The following TSPAN13 variants were observed in gnomAD, a reference collection of about 807,000 sequenced individuals.
The protein encoded by TSPAN13 is tetraspanin 13.
TSPAN13 carries 18 observed loss-of-function variants against 26.9 expected under a neutral mutation model. The observed-to-expected ratio is 0.67, with a 90% CI of 0.46 to 0.99. TSPAN13 has a LOEUF of 0.99. Ranked by LOEUF, TSPAN13 falls within the 50% of genes least tolerant of loss-of-function variation. The pLI is 0.00. For synonymous variants in TSPAN13, 116 were observed against 98.4 expected, an observed-to-expected ratio of 1.18 and a Z score of -1.06; for missense variants, 201 against 249.6, an observed-to-expected ratio of 0.81 and a Z score of 1.31.
intron 1 of TSPAN13, among the ~76,000 whole-genome samples, chr7:16,768,036 C>T (rs113693302): frequency 0.11 from 16,726 of 152,160 alleles, 969 homozygotes; most frequent in East Asian, 0.18. Flanking sequence ...CCTCAGCCTC[C>T]CGAGTAGCTG....
In TSPAN13 at chr7:16,753,827, G is replaced by C. The variant is rs1413353411; in HGVS notation, c.-141G>C. 5 of 885,396 alleles carry C rather than the reference G, an allele frequency of 5.6e-6. No individual in the cohort carries two copies. In the African/African-American group the frequency reaches 6.9e-5, roughly 12 times the overall value. 54.8% of individuals were successfully genotyped at this position (885,396 alleles called of 1,614,324 possible). A position where few individuals can be genotyped will look rare whatever the true frequency, so the allele number is the denominator to read the frequency against. ...CGCCGCGCGCGCGCCGCGCACTGCA[G>C]CCCCAGGCCCCGGCCCCCCACCCAC... On this transcript the variant is annotated 5_prime_UTR_variant, in exon 1 of 6. Coordinates refer to ENST00000262067, the MANE Select transcript of TSPAN13 (RefSeq NM_014399.4).
At chr7:16,781,632 G>C (rs1214381705) in intron 5 of TSPAN13, among the ~76,000 whole-genome samples, 1 of 152,164 alleles carries the variant, frequency 6.6e-6, no homozygotes, top group Admixed American at 6.5e-5. Context: ...GGTAAAATGT[G>C]GCTCCGGATT....
rs762326502 is a variant in TSPAN13, at chr7:16,753,948, C to A, written c.-20C>A. ...CGGAGTCGAATTTACGTGCAGCTGC[C>A]GGCAACCACAGGTTCCAAGATGGTT... On this transcript the variant is annotated 5_prime_UTR_variant, in exon 1 of 6. Transcript: ENST00000262067. The A allele has an allele frequency of 6.2e-7, 1 of 1,610,466 alleles. No individual in the cohort carries two copies.
chr7:16,763,548 T>C (rs751686955), intron 1 of TSPAN13, among the ~76,000 whole-genome samples: 5 of 152,206 alleles, frequency 3.3e-5, no homozygotes, highest in Admixed American at 6.5e-5. Context: ...GGCTAGATCT[T>C]TCCCTGTCCA....
chr7:16,758,616 A>G (rs1483322353), intron 1 of TSPAN13, among the ~76,000 whole-genome samples: 3 of 152,228 alleles, frequency 2.0e-5, no homozygotes, highest in Admixed American at 1.3e-4. Context: ...TTAGTCTGCA[A>G]TGATCAAGGT....
At chr7:16,770,740 C>G (rs1784665004) in intron 1 of TSPAN13, among the ~76,000 whole-genome samples, 2 of 152,078 alleles carry the variant, frequency 1.3e-5, no homozygotes, top group South Asian at 4.1e-4. Context: ...CCCTCCTGAG[C>G]AAATTTTGGA....
intron 1 of TSPAN13, among the ~76,000 whole-genome samples, chr7:16,755,918 T>C (rs1784476988): frequency 6.6e-6 from 1 of 152,212 alleles, no homozygotes. Context: ...GTGTGTGTTC[T>C]ATTGATTTTA....
At chr7:16,773,048 A>T (rs1325200476) in intron 1 of TSPAN13, among the ~76,000 whole-genome samples, 2 of 152,000 alleles carry the variant, frequency 1.3e-5, no homozygotes, top group East Asian at 3.9e-4. Context: ...TTATTCTTTT[A>T]CTACTGAAGA....
intron 5 of TSPAN13, among the ~76,000 whole-genome samples, chr7:16,782,210 AC>A (rs1211897078): frequency 6.6e-6 from 1 of 152,196 alleles, no homozygotes; most frequent in Non-Finnish European, 1.5e-5. Flanking sequence ...ATGACTTTCC[AC>A]ATCTTCAAAT....
chr7:16,765,925 C>T (rs1430070835), intron 1 of TSPAN13, among the ~76,000 whole-genome samples: 1 of 152,204 alleles, frequency 6.6e-6, no homozygotes, highest in East Asian at 1.9e-4. Flanking sequence ...TTTGAATCAA[C>T]AATTTTTAGA....
intron 1 of TSPAN13, among the ~76,000 whole-genome samples, chr7:16,764,944 TG>T (rs1784589164): frequency 1.3e-5 from 2 of 151,762 alleles, no homozygotes; most frequent in East Asian, 1.9e-4. Context: ...GTTTTTTTTT[TG>T]AGACAAGGTC....
chr7:16,774,845 G>C (rs1337404999), intron 1 of TSPAN13, among the ~76,000 whole-genome samples: 2 of 151,790 alleles, frequency 1.3e-5, no homozygotes, highest in Non-Finnish European at 2.9e-5. Flanking sequence ...TGTCTCTTTG[G>C]CAAAAAAATA....
At chr7:16,760,903 C>A (rs1784534841) in intron 1 of TSPAN13, among the ~76,000 whole-genome samples, 1 of 152,188 alleles carries the variant, frequency 6.6e-6, no homozygotes, top group Admixed American at 6.5e-5. Flanking sequence ...ATGTCGCAGT[C>A]ATTCTGGCTT....
At position 16,760,557 on chromosome 7, in the gene TSPAN13, A is replaced by C. The variant is rs556537735; in HGVS notation, c.63+6527A>C. ...AGAAACCCAAGTGGAAATGTCAGGTAGCACTTACAGTAACCACACTGTTAT... is the reference window on the plus strand; with the variant it reads ...AGAAACCCAAGTGGAAATGTCAGGTCGCACTTACAGTAACCACACTGTTAT... On this transcript the variant is annotated intron_variant, in intron 1 of 5. Transcript: ENST00000262067. Among the ~76,000 whole-genome samples the C allele has an allele frequency of 2.6e-4, 40 of 152,322 alleles. No homozygotes were observed. In the Middle Eastern group the frequency reaches 0.01, roughly 39 times the overall value.
chr7:16,776,264 G>A lies in TSPAN13; in HGVS notation c.117G>A (p.Leu39=), dbSNP rs2115334669. The A allele has an allele frequency of 6.2e-7, 1 of 1,614,122 alleles. No individual in the cohort carries two copies. Among genetic ancestry groups the A allele is most frequent in the Non-Finnish European group, 8.5e-7 (1 of 1,180,028 alleles). ...CTGCGTGGGGCATTGGCTTCGGGCT[G>A]ATTTCCAGTCTCCGAGTGGTCGGCG... ...GIAAWGIGFG[L]ISSLRVVGVV... is the part of the protein sequence containing the mutation. Residue 39 remains leucine, a synonymous_variant, in exon 2 of 6, where the codon CTG becomes CTA. Coordinates refer to ENST00000262067, the MANE Select transcript of TSPAN13 (RefSeq NM_014399.4).
chr7:16,773,350 AAAGG>A (rs1419360128), intron 1 of TSPAN13, among the ~76,000 whole-genome samples: 131 of 152,000 alleles, frequency 8.6e-4, no homozygotes, highest in African/African-American at 2.8e-3. Context: ...AAAAAAAAAA[AAAGG>A]AGGAATGATA....
At chr7:16,754,322 A>G (rs1210701363) in intron 1 of TSPAN13, among the ~76,000 whole-genome samples, 9 of 152,082 alleles carry the variant, frequency 5.9e-5, no homozygotes, top group East Asian at 3.9e-4. Context: ...TTGTTTTTCA[A>G]ACATTCAACC....
At position 16,777,130 on chromosome 7, in the gene TSPAN13, A is replaced by G. The variant is rs1784760238; in HGVS notation, c.312+8A>G. Reference sequence around the variant, plus strand: ...CTGAACCAGGAGCAACAGGTAAGCTAAGACTTTTTTCTTCTACTTTATTAT... The same window carrying G: ...CTGAACCAGGAGCAACAGGTAAGCTGAGACTTTTTTCTTCTACTTTATTAT... On this transcript the variant is annotated splice_region_variant and intron_variant, in intron 3 of 5. Transcript: ENST00000262067. 1.9e-6 allele frequency: 3 copies of G among 1,607,528 alleles called. No individual in the cohort carries two copies. Among genetic ancestry groups the G allele is most frequent in the Non-Finnish European group, 2.6e-6 (3 of 1,174,508 alleles).
At chr7:16,770,680 T>C (rs185443808) in intron 1 of TSPAN13, among the ~76,000 whole-genome samples, 1 of 152,184 alleles carries the variant, frequency 6.6e-6, no homozygotes, top group African/African-American at 2.4e-5. Context: ...GGCAGCAATG[T>C]TTTTATTTTT....
Sources: gnomAD v4.1 joint callset for allele counts (sites outside exome capture counted in the v4.1 genomes callset) on GRCh38, gnomAD v4.1.1 for gene constraint, MANE v1.5 for transcripts, NCBI Gene and HGNC (gene_info 2026-07-23, HGNC 2026-07-21) for gene names.